The following PEBP4 variants were observed in gnomAD, a reference collection of about 807,000 sequenced individuals.
PEBP4 encodes phosphatidylethanolamine-binding protein 4.
Under a neutral mutation model 23.9 loss-of-function variants are expected in PEBP4, and 22 were observed. That is an observed-to-expected ratio of 0.92 (90% CI 0.66 to 1.31). PEBP4 has a LOEUF of 1.31. PEBP4 is among the 40% of genes most tolerant of loss of function. The probability of loss-of-function intolerance (pLI) is 0.00; values close to 1 mark genes in which losing one functional copy is unlikely to be tolerated. For missense variants in PEBP4, 324 were observed against 281.7 expected, an observed-to-expected ratio of 1.15 and a Z score of -1.07; for synonymous variants, 112 against 99.3, an observed-to-expected ratio of 1.13 and a Z score of -0.76.
chr8:22,891,946 G>A (rs1453143943), intron 3 of PEBP4, among the ~76,000 whole-genome samples: 3 of 152,156 alleles, frequency 2.0e-5, no homozygotes. Context: ...GGTGACAGGC[G>A]CCTGTAGTCC....
intron 3 of PEBP4, among the ~76,000 whole-genome samples, chr8:22,835,522 C>A (rs1368412875): frequency 6.6e-6 from 1 of 152,204 alleles, no homozygotes; most frequent in Admixed American, 6.5e-5. Context: ...CTGGTCCTGT[C>A]CATGTCCCCA....
chr8:22,807,878 TCC>T (rs1205446199), intron 4 of PEBP4, among the ~76,000 whole-genome samples: 1 of 150,500 alleles, frequency 6.6e-6, no homozygotes, highest in African/African-American at 2.4e-5. Context: ...CCTCTATCCA[TCC>T]ATCCATCCAT....
At chr8:22,819,678 C>T (rs1806817223) in intron 3 of PEBP4, among the ~76,000 whole-genome samples, 1 of 151,028 alleles carries the variant, frequency 6.6e-6, no homozygotes, top group Non-Finnish European at 1.5e-5. Flanking sequence ...GTGATCTCGG[C>T]TCATTGCAAG....
intron 4 of PEBP4, among the ~76,000 whole-genome samples, chr8:22,779,593 C>G (rs1423427398): frequency 1.3e-5 from 2 of 152,136 alleles, no homozygotes; most frequent in African/African-American, 4.8e-5. Context: ...GACTCTGTGT[C>G]CCACCAACAA....
At chr8:22,748,077 C>A (rs1244983735) in intron 4 of PEBP4, among the ~76,000 whole-genome samples, 2 of 152,204 alleles carry the variant, frequency 1.3e-5, no homozygotes, top group Non-Finnish European at 2.9e-5. Flanking sequence ...CACATCCACA[C>A]GCATGTGCAC....
intron 3 of PEBP4, among the ~76,000 whole-genome samples, chr8:22,855,541 T>C (rs1268754047): frequency 6.6e-6 from 1 of 152,176 alleles, no homozygotes; most frequent in Non-Finnish European, 1.5e-5. Flanking sequence ...TTGGAGGCTG[T>C]GCACCCCTGA....
chr8:22,920,266 T>A lies in PEBP4; in HGVS notation c.176A>T (p.Lys59Met). ...GTAGTTGTTACAATCAGGAACAACC[T>A]TGCAGCCAATGTTCCCCAACTCTGG... ...FYPELGNIGC[K>M]VVPDCNNYRQ... The change falls in exon 3 of 7, where the codon AAG (lysine) becomes ATG (methionine). Residue 59 changes from lysine to methionine, a missense_variant. Transcript: ENST00000256404. 1.9e-6 allele frequency: 3 copies of A among 1,613,798 alleles called. No homozygotes were observed.
chr8:22,759,613 G>A (rs932603353), intron 4 of PEBP4, among the ~76,000 whole-genome samples: 6 of 152,238 alleles, frequency 3.9e-5, no homozygotes, highest in South Asian at 2.1e-4. Flanking sequence ...CCACCTCCCC[G>A]GGAGCCTGGC....
chr8:22,760,452 C>T (rs1260555955), intron 4 of PEBP4, among the ~76,000 whole-genome samples: 2 of 152,092 alleles, frequency 1.3e-5, no homozygotes, highest in African/African-American at 4.8e-5. Context: ...GCACATAGTA[C>T]AATGCATATA....
At chr8:22,751,849 G>A (rs1434488891) in intron 4 of PEBP4, among the ~76,000 whole-genome samples, 1 of 152,084 alleles carries the variant, frequency 6.6e-6, no homozygotes, top group Non-Finnish European at 1.5e-5. Context: ...CCCATTGTCA[G>A]TCACCCACTC....
chr8:22,867,295 G>A (rs1807924338), intron 3 of PEBP4, among the ~76,000 whole-genome samples: 1 of 152,106 alleles, frequency 6.6e-6, no homozygotes, highest in South Asian at 2.1e-4. Context: ...CAAAGTGCTG[G>A]GTGGAGATCA....
At chr8:22,862,179 G>C (rs541002981) in intron 3 of PEBP4, among the ~76,000 whole-genome samples, 1 of 152,070 alleles carries the variant, frequency 6.6e-6, no homozygotes, top group Non-Finnish European at 1.5e-5. Flanking sequence ...CACAGGAGTC[G>C]GGGGCCTGGG....
intron 4 of PEBP4, among the ~76,000 whole-genome samples, chr8:22,801,377 C>T (rs1281864262): frequency 6.6e-6 from 1 of 152,154 alleles, no homozygotes; most frequent in Non-Finnish European, 1.5e-5. Context: ...CACCTGGTGT[C>T]AGTATCCCTG....
At chr8:22,909,438 C>T (rs540548333) in intron 3 of PEBP4, among the ~76,000 whole-genome samples, 2 of 152,292 alleles carry the variant, frequency 1.3e-5, no homozygotes, top group African/African-American at 4.8e-5. Context: ...CTGATTTGTG[C>T]ACACCACTGT....
intron 3 of PEBP4, among the ~76,000 whole-genome samples, chr8:22,893,564 A>G (rs1161863891): frequency 6.6e-6 from 1 of 152,254 alleles, no homozygotes; most frequent in East Asian, 1.9e-4. Flanking sequence ...TCAAGAAGGT[A>G]GGGGAAGGCT....
chr8:22,845,200 G>A (rs1426568421), intron 3 of PEBP4, among the ~76,000 whole-genome samples: 1 of 152,088 alleles, frequency 6.6e-6, no homozygotes, highest in African/African-American at 2.4e-5. Context: ...GCTCTGCAAT[G>A]GGCTGCCTGG....
At chr8:22,811,567 C>T (rs767463970) in intron 4 of PEBP4, among the ~76,000 whole-genome samples, 2 of 152,172 alleles carry the variant, frequency 1.3e-5, no homozygotes, top group Non-Finnish European at 2.9e-5. Context: ...GAGGAAGGGG[C>T]TGCAGCCCCA....
At chr8:22,905,142 CTG>C (rs1808785374) in intron 3 of PEBP4, among the ~76,000 whole-genome samples, 1 of 152,134 alleles carries the variant, frequency 6.6e-6, no homozygotes, top group South Asian at 2.1e-4. Context: ...AGAACACAAA[CTG>C]TCATTTAGTT....
chr8:22,913,333 T>A (rs1240806460), intron 3 of PEBP4, among the ~76,000 whole-genome samples: 2 of 152,160 alleles, frequency 1.3e-5, no homozygotes, highest in African/African-American at 4.8e-5. Context: ...GCCTGGTGAC[T>A]CCTGCTCCCC....
Sources: gnomAD v4.1 joint callset for allele counts (sites outside exome capture counted in the v4.1 genomes callset) on GRCh38, gnomAD v4.1.1 for gene constraint, MANE v1.5 for transcripts, NCBI Gene and HGNC (gene_info 2026-07-23, HGNC 2026-07-21) for gene names.